Variants in GABRR2 observed in about 807,000 individuals in gnomAD.
GABRR2 encodes gamma-aminobutyric acid type A receptor subunit rho2.
GABRR2 carries 36 observed loss-of-function variants against 47.0 expected under a neutral mutation model. The observed-to-expected ratio is 0.77, with a 90% CI of 0.59 to 1.01. The LOEUF (loss-of-function observed/expected upper bound fraction) is 1.01. GABRR2 is among the 50% of genes least tolerant of loss of function. GABRR2 has a pLI of 0.00. For synonymous variants in GABRR2, 204 were observed against 227.5 expected (o/e 0.90, Z 0.93); for missense variants, 587 against 594.6 (o/e 0.99, Z 0.13).
chr6:89,294,595 G>C (rs554428099), intron 2 of GABRR2, among the ~76,000 whole-genome samples: 9 of 152,054 alleles, frequency 5.9e-5, no homozygotes, highest in African/African-American at 1.9e-4. Context: ...CTACTGGAAG[G>C]GGGTGTTAGG....
At chr6:89,292,845 C>T (rs1261548349) in intron 2 of GABRR2, among the ~76,000 whole-genome samples, 2 of 132,728 alleles carry the variant, frequency 1.5e-5, no homozygotes, top group African/African-American at 2.8e-5. Flanking sequence ...TACGATATAT[C>T]GTATATATCA....
intron 8 of GABRR2, among the ~76,000 whole-genome samples, chr6:89,263,442 C>A (rs373529668): frequency 5.4e-4 from 82 of 152,220 alleles, no homozygotes; most frequent in South Asian, 1.9e-3. Context: ...AGGGGTCAGC[C>A]CCCCCAACCC....
At chr6:89,293,726 G>A (rs907389311) in intron 2 of GABRR2, among the ~76,000 whole-genome samples, 5 of 152,250 alleles carry the variant, frequency 3.3e-5, no homozygotes, top group Non-Finnish European at 5.9e-5. Context: ...AGTTGAGGCT[G>A]CAGTAAGCTC....
rs112929305 is a variant in GABRR2, at chr6:89,257,976, C to T, written c.1092G>A (p.Pro364=). Residue 364 remains proline, a synonymous_variant, in exon 9 of 9, where the codon CCG becomes CCA. Transcript: ENST00000402938. ...TTGAATGAAGCATTCCACACATGCA[C>T]GGGAACTATGGGCAGCAAGCACAAA... is the stretch of plus-strand genomic sequence containing the variant. ...RKERKLREKF[P]CMCGMLHSKT... The T allele has an allele frequency of 4.3e-5, 70 of 1,612,450 alleles. 1 individual carries two copies. Among genetic ancestry groups the T allele is most frequent in the African/African-American group, 2.0e-4 (15 of 74,938 alleles).
intron 3 of GABRR2, among the ~76,000 whole-genome samples, chr6:89,270,778 T>A (rs2127834527): frequency 6.6e-6 from 1 of 152,252 alleles, no homozygotes; most frequent in Non-Finnish European, 1.5e-5. Context: ...TCCACACATT[T>A]TCAGGGCCCC....
At position 89,269,177 on chromosome 6, in the gene GABRR2, A is replaced by T. The variant is rs1271767255; in HGVS notation, c.346T>A (p.Ser116Thr). 4 of 1,613,936 alleles carry T rather than the reference A, an allele frequency of 2.5e-6. No homozygotes were observed. The highest frequency in any genetic ancestry group is 3.4e-6 in the Non-Finnish European group (4 of 1,179,896). The change falls in exon 4 of 9, where the codon TCC (serine) becomes ACC (threonine). Residue 116 changes from serine to threonine, a missense_variant. Ser to Thr is a moderately conservative substitution (Grantham distance 58). Transcript: ENST00000402938. ...HYWKDERLAF[S>T]SASNKSMTFD... Reference sequence around the variant, plus strand: ...GTCATGCTCTTGTTGCTGGCGCTGGAGAAAGCTAGCCTCTCATCCTTCCAG... The same window carrying T: ...GTCATGCTCTTGTTGCTGGCGCTGGTGAAAGCTAGCCTCTCATCCTTCCAG...
At chr6:89,261,043 T>C (rs1357062459) in intron 8 of GABRR2, among the ~76,000 whole-genome samples, 1 of 152,162 alleles carries the variant, frequency 6.6e-6, no homozygotes, top group Non-Finnish European at 1.5e-5. Flanking sequence ...CCTGAGGCCC[T>C]CTCCATAGAT....
rs113272362 is a variant in GABRR2, at chr6:89,265,647, G to C, written c.855C>G (p.Ile285Met). The C allele has an allele frequency of 6.2e-7, 1 of 1,614,122 alleles. No individual in the cohort carries two copies. Among genetic ancestry groups the C allele is most frequent in the South Asian group, 1.1e-5 (1 of 91,066 alleles). The part of the protein sequence containing the change: ...MVMLSWVSFW[I>M]DRRAVPARVS... The stretch of plus-strand genomic sequence containing the variant: ...CTCTGGCAGGCACAGCTCTGCGGTC[G>C]ATCCAGAAGGACACCCAGGACAGCA... Residue 285 changes from isoleucine (I) to methionine (M), a missense_variant, in exon 7 of 9, where the codon ATC becomes ATG. By Grantham distance (10) the Ile-to-Met change is conservative (BLOSUM62 1). Transcript: ENST00000402938.
At chr6:89,282,665 C>T (rs1315818891) in intron 2 of GABRR2, among the ~76,000 whole-genome samples, 1 of 152,216 alleles carries the variant, frequency 6.6e-6, no homozygotes, top group African/African-American at 2.4e-5. Context: ...GCAAGGTAAA[C>T]TGGGATGGGA....
intron 8 of GABRR2, among the ~76,000 whole-genome samples, chr6:89,260,151 C>A (rs1773714195): frequency 6.6e-6 from 1 of 152,148 alleles, no homozygotes; most frequent in Admixed American, 6.6e-5. Flanking sequence ...AAGGGATCCA[C>A]CTGCCTTGGC....
intron 1 of GABRR2, among the ~76,000 whole-genome samples, chr6:89,305,429 C>T (rs555692314): frequency 6.6e-6 from 1 of 152,234 alleles, no homozygotes; most frequent in African/African-American, 2.4e-5. Flanking sequence ...CCTGTAATCC[C>T]AGCACTTGGG....
At chr6:89,312,577 G>C (rs975195963) in intron 1 of GABRR2, among the ~76,000 whole-genome samples, 1 of 152,260 alleles carries the variant, frequency 6.6e-6, no homozygotes, top group Non-Finnish European at 1.5e-5. Context: ...CAATCCTAAA[G>C]AGAGAAAGCA....
At chr6:89,272,588 G>A (rs746601606) in intron 2 of GABRR2, among the ~76,000 whole-genome samples, 20 of 152,148 alleles carry the variant, frequency 1.3e-4, no homozygotes, top group African/African-American at 4.8e-5. Context: ...TCTATCAGGC[G>A]TGTTAATGAA....
Position 89,257,989 on chromosome 6 carries a change from C to G in GABRR2, c.1087-8G>C, listed in dbSNP as rs769349942. ...TCCACACATGCACGGGAACTATGGG[C>G]AGCAAGCACAAAGAACATCATTAAG... On this transcript the variant is annotated splice_polypyrimidine_tract_variant and splice_region_variant and intron_variant, in intron 8 of 8. Transcript: ENST00000402938. 2 of 1,609,650 alleles carry G rather than the reference C, an allele frequency of 1.2e-6. No individual in the cohort carries two copies. The highest frequency in any genetic ancestry group is 2.2e-5 in the South Asian group (2 of 90,264).
At chr6:89,270,864 T>G (rs1235439620) in intron 3 of GABRR2, among the ~76,000 whole-genome samples, 1 of 152,136 alleles carries the variant, frequency 6.6e-6, no homozygotes, top group Non-Finnish European at 1.5e-5. Flanking sequence ...ATGGAGCTTA[T>G]AGTCAAGCAT....
At chr6:89,278,718 C>T (rs1452514167) in intron 2 of GABRR2, among the ~76,000 whole-genome samples, 1 of 152,236 alleles carries the variant, frequency 6.6e-6, no homozygotes, top group Non-Finnish European at 1.5e-5. Context: ...TGTCTTTCTG[C>T]TTTGTCAGCC....
intron 2 of GABRR2, among the ~76,000 whole-genome samples, chr6:89,278,525 G>A (rs975711963): frequency 1.3e-5 from 2 of 152,230 alleles, no homozygotes; most frequent in African/African-American, 2.4e-5. Flanking sequence ...CTGAGAAGGT[G>A]AGGCTGAGGG....
At chr6:89,260,276 G>C (rs1434556063) in intron 8 of GABRR2, among the ~76,000 whole-genome samples, 1 of 151,986 alleles carries the variant, frequency 6.6e-6, no homozygotes, top group East Asian at 1.9e-4. Flanking sequence ...TATCATTGGG[G>C]GGTTATTTAT....
chr6:89,292,754 C>A lies in GABRR2; in HGVS notation c.220+7005G>T, dbSNP rs182964243. Among the ~76,000 whole-genome samples, 361 of 68,364 alleles carry A rather than the reference C, an allele frequency of 5.3e-3. 27 individuals carry two copies. The highest frequency in any genetic ancestry group is 0.019 in the African/African-American group (290 of 15,308). The allele number at this position is 68,364 out of a possible 152,430, so 44.8% of individuals were successfully genotyped here. ...ATATATCATATATAATCGTATATAT[C>A]GTATATACGATATATCGTATATATC... On this transcript the variant is annotated intron_variant, in intron 2 of 8. Transcript: ENST00000402938.
Sources: allele counts gnomAD v4.1 joint callset (sites outside exome capture counted in the v4.1 genomes callset), GRCh38; gene constraint gnomAD v4.1.1; transcripts MANE v1.5; gene names NCBI Gene and HGNC (gene_info 2026-07-23, HGNC 2026-07-21).